The following GPC6 variants were observed in gnomAD, a reference collection of about 807,000 sequenced individuals.
GPC6 encodes the protein glypican-6.
A neutral mutation model predicts 55.2 loss-of-function variants in GPC6; 14 were observed. The ratio of observed to expected loss-of-function variants is 0.25; its 90% CI spans 0.17 to 0.40. The LOEUF (loss-of-function observed/expected upper bound fraction) is 0.40. Ranked by LOEUF, GPC6 falls within the 10% of genes least tolerant of loss-of-function variation. GPC6 has a pLI of 1.00. For missense variants in GPC6, 641 were observed against 708.5 expected, an observed-to-expected ratio of 0.90 and a Z score of 1.08; for synonymous variants, 278 against 259.6, an observed-to-expected ratio of 1.07 and a Z score of -0.68.
At chr13:94,248,127 G>A (rs9589940) in intron 4 of GPC6, among the ~76,000 whole-genome samples, 1,638 of 152,156 alleles carry the variant, frequency 0.011, 22 homozygotes, top group African/African-American at 0.038. Context: ...AAGTACATTC[G>A]TCATGGAATT....
chr13:94,329,624 G>A (rs901840193), intron 6 of GPC6, among the ~76,000 whole-genome samples: 1 of 152,180 alleles, frequency 6.6e-6, no homozygotes, highest in Non-Finnish European at 1.5e-5. Flanking sequence ...TTGTGTAAAT[G>A]TAATTGAAAT....
intron 2 of GPC6, among the ~76,000 whole-genome samples, chr13:93,573,263 T>G (rs9524133): frequency 0.91 from 137,694 of 152,046 alleles, 62,557 homozygotes; most frequent in African/African-American, 0.97. Flanking sequence ...CATTATGGAA[T>G]AAATATTTAA....
At chr13:93,391,646 C>A (rs538623334) in intron 1 of GPC6, among the ~76,000 whole-genome samples, 1 of 152,248 alleles carries the variant, frequency 6.6e-6, no homozygotes, top group South Asian at 2.1e-4. Context: ...GCACTTCTTG[C>A]CATGGCTCTT....
intron 2 of GPC6, among the ~76,000 whole-genome samples, chr13:93,683,013 G>C (rs901639638): frequency 6.6e-6 from 1 of 151,864 alleles, no homozygotes; most frequent in African/African-American, 2.4e-5. Flanking sequence ...GCAAGACCCT[G>C]TCTGAAAAGA....
chr13:93,830,631 A>AAAAAC, intron 3 of GPC6, 86 bp downstream of exon 3: 1 of 1,163,158 alleles, frequency 8.6e-7, no homozygotes, highest in Non-Finnish European at 1.2e-6. Flanking sequence ...AAAAAAAAAA[A>AAAAAC]AAAAAAACCA....
rs531366019 is a variant in GPC6 at position 93,335,554 on chromosome 13, C to A, written c.160+107938C>A. Among the ~76,000 whole-genome samples the A allele has an allele frequency of 7.2e-5, 11 of 152,292 alleles. 1 individual carries two copies. The highest frequency in any genetic ancestry group is 6.2e-4 in the South Asian group (3 of 4,832). On this transcript the variant is annotated intron_variant, in intron 1 of 8. Coordinates refer to ENST00000377047, the MANE Select transcript of GPC6 (RefSeq NM_005708.5). ...TCAGAATCAATGCTCCTGCCCCCTA[C>A]CTCTCAGGAGTGATAATGGTAAAGA...
At chr13:93,365,963 A>G (rs1483896538) in intron 1 of GPC6, among the ~76,000 whole-genome samples, 1 of 152,104 alleles carries the variant, frequency 6.6e-6, no homozygotes, top group African/African-American at 2.4e-5. Context: ...CTCCAGCTTT[A>G]GGATTTTAGT....
chr13:93,949,640 T>C (rs74109140), intron 3 of GPC6, among the ~76,000 whole-genome samples: 3,979 of 152,198 alleles, frequency 0.026, 137 homozygotes, highest in East Asian at 0.12. Context: ...TTCCACAAAA[T>C]AAAAATGTCT....
At chr13:94,066,317 A>G (rs1381400238) in intron 4 of GPC6, among the ~76,000 whole-genome samples, 1 of 152,220 alleles carries the variant, frequency 6.6e-6, no homozygotes, top group Non-Finnish European at 1.5e-5. Context: ...AGTTCATTGT[A>G]TTTACTAGAA....
chr13:94,303,249 C>T (rs528098705), intron 5 of GPC6, among the ~76,000 whole-genome samples: 4 of 152,300 alleles, frequency 2.6e-5, no homozygotes, highest in East Asian at 3.9e-4. Flanking sequence ...GTTTATATCC[C>T]GATCATTGTC....
In GPC6 at chr13:93,682,628, T is replaced by C. The variant is rs547332231; in HGVS notation, c.319+137207T>C. ...TCTGGTACTAAGTAGTTCCTAATAA[T>C]TGAAATATTTGCTATTTAGATTTCT... is the stretch of plus-strand genomic sequence containing the variant. On this transcript the variant is annotated intron_variant, in intron 2 of 8. Coordinates refer to ENST00000377047, the MANE Select transcript of GPC6 (RefSeq NM_005708.5). 2.7e-4 allele frequency among the ~76,000 whole-genome samples: 41 copies of C among 152,214 alleles called. 1 individual carries two copies. The highest frequency in any genetic ancestry group is 8.4e-4 in the African/African-American group (35 of 41,548).
rs578186991 is a variant in GPC6, at chr13:94,118,307, C to G, written c.877+90413C>G. ...GCTTTTCCCCCTTTGCTTGGCAGTT[C>G]TCTCTCCTGCTGCCATATGAAAATG... On this transcript the variant is annotated intron_variant, in intron 4 of 8. Coordinates refer to ENST00000377047, the MANE Select transcript of GPC6 (RefSeq NM_005708.5). Among the ~76,000 whole-genome samples the G allele has an allele frequency of 3.0e-4, 45 of 152,180 alleles. 2 individuals are homozygous for G. In the South Asian group the frequency reaches 9.1e-3, roughly 31 times the overall value.
At chr13:93,695,510 T>C (rs889936581) in intron 2 of GPC6, among the ~76,000 whole-genome samples, 5 of 152,030 alleles carry the variant, frequency 3.3e-5, no homozygotes, top group African/African-American at 1.2e-4. Context: ...CTTTGATGTA[T>C]AAGGGAACAG....
intron 3 of GPC6, among the ~76,000 whole-genome samples, chr13:93,851,368 T>C (rs1594522953): frequency 6.6e-6 from 1 of 151,924 alleles, no homozygotes; most frequent in East Asian, 1.9e-4. Context: ...GTTTGCAGTG[T>C]TCTCTATTGA....
intron 1 of GPC6, among the ~76,000 whole-genome samples, chr13:93,514,025 C>G (rs551293757): frequency 6.6e-6 from 1 of 152,074 alleles, no homozygotes; most frequent in Non-Finnish European, 1.5e-5. Context: ...AGGCACCCAC[C>G]ACCACGCCCA....
intron 7 of GPC6, among the ~76,000 whole-genome samples, chr13:94,393,030 A>AT (rs1880727713): frequency 6.6e-6 from 1 of 152,130 alleles, no homozygotes; most frequent in Non-Finnish European, 1.5e-5. Flanking sequence ...AACACTTGTT[A>AT]TTTTTTGTTT....
Position 93,830,447 on chromosome 13 carries a change from C to T in GPC6, c.613C>T (p.Arg205Trp), listed in dbSNP as rs201761005. 4.3e-6 allele frequency: 7 copies of T among 1,613,634 alleles called. No individual in the cohort carries two copies. Among genetic ancestry groups the T allele is most frequent in the Middle Eastern group, 1.6e-4 (1 of 6,062 alleles). Residue 205 changes from arginine to tryptophan, a missense_variant, in exon 3 of 9, where the codon CGG becomes TGG. By Grantham distance (101) the Arg-to-Trp change is moderately radical. Coordinates refer to ENST00000377047, the MANE Select transcript of GPC6 (RefSeq NM_005708.5). ...DQLKPFGDVP[R>W]KLKIQVTRAF... is the part of the protein sequence containing the mutation. ...GCTCAAGCCATTTGGAGACGTGCCC[C>T]GGAAACTGAAGATTCAGGTTACCCG...
intron 6 of GPC6, among the ~76,000 whole-genome samples, chr13:94,311,422 G>A (rs1023165504): frequency 6.6e-6 from 1 of 152,104 alleles, no homozygotes; most frequent in African/African-American, 2.4e-5. Context: ...ATCCGTCTGG[G>A]CCTCCCAAAG....
In GPC6 at chr13:93,470,513, G is replaced by A. The variant is rs1044894337; in HGVS notation, c.161-74750G>A. Among the ~76,000 whole-genome samples the A allele has an allele frequency of 3.9e-5, 6 of 152,010 alleles. No homozygotes were observed. In the South Asian group the frequency reaches 6.2e-4, roughly 16 times the overall value. On this transcript the variant is annotated intron_variant, in intron 1 of 8. Transcript: ENST00000377047. ...ATCCTTTTTATATATTGTTGGATTC[G>A]ATTTGCAAATATGGTTTTGAGGATT...
Sources: gnomAD v4.1 joint callset for allele counts (sites outside exome capture counted in the v4.1 genomes callset) on GRCh38, gnomAD v4.1.1 for gene constraint, MANE v1.5 for transcripts, NCBI Gene and HGNC (gene_info 2026-07-23, HGNC 2026-07-21) for gene names.